THSD4: variants seen among roughly 807,000 people sequenced by gnomAD.
THSD4 encodes thrombospondin type-1 domain-containing protein 4.
A neutral mutation model predicts 119.0 loss-of-function variants in THSD4; 69 were observed. The ratio of observed to expected loss-of-function variants is 0.58; its 90% confidence interval spans 0.48 to 0.71. The LOEUF (loss-of-function observed/expected upper bound fraction) is 0.71, where lower values mean the gene tolerates loss of function less well. Among genes scored for constraint, THSD4 ranks in the 30% least tolerant of loss-of-function variants. THSD4 has a pLI of 0.00. For missense variants in THSD4, 1,393 were observed against 1,391.1 expected (o/e 1.00, Z -0.02); for synonymous variants, 524 against 540.4 (o/e 0.97, Z 0.42).
At chr15:71,122,311 A>G (rs1005984288) in intron 1 of THSD4, among the ~76,000 whole-genome samples, 1 of 152,162 alleles carries the variant, frequency 6.6e-6, no homozygotes, top group African/African-American at 2.4e-5. Context: ...CTACAGCTAG[A>G]AAACTGAGGC....
chr15:71,755,028 A>G (rs1454314565), intron 14 of THSD4, among the ~76,000 whole-genome samples: 2 of 152,332 alleles, frequency 1.3e-5, no homozygotes, highest in East Asian at 3.9e-4. Flanking sequence ...TCAACTCCCC[A>G]TCTCCAGTGA....
chr15:71,457,891 C>T (rs112415620), intron 7 of THSD4, among the ~76,000 whole-genome samples: 2 of 152,160 alleles, frequency 1.3e-5, no homozygotes, highest in Non-Finnish European at 2.9e-5. Flanking sequence ...GAGTCTTAGT[C>T]CATCTTCCTC....
At chr15:71,761,555 A>G (rs917915502) in intron 15 of THSD4, among the ~76,000 whole-genome samples, 1 of 152,226 alleles carries the variant, frequency 6.6e-6, no homozygotes, top group African/African-American at 2.4e-5. Flanking sequence ...TATAGAATTC[A>G]TTGGTTTTTA....
At chr15:71,216,626 G>A (rs1182754231) in intron 4 of THSD4, among the ~76,000 whole-genome samples, 3 of 152,328 alleles carry the variant, frequency 2.0e-5, no homozygotes, top group East Asian at 3.9e-4. Flanking sequence ...TGAGTTCCAA[G>A]ACTGAGCATG....
At chr15:71,199,015 A>G (rs150815056) in intron 3 of THSD4, among the ~76,000 whole-genome samples, 2 of 152,228 alleles carry the variant, frequency 1.3e-5, no homozygotes, top group African/African-American at 4.8e-5. Context: ...CCTACTGTAT[A>G]TTTTATTAGT....
chr15:71,324,252 C>T (rs1263899813), intron 6 of THSD4, among the ~76,000 whole-genome samples: 5 of 151,680 alleles, frequency 3.3e-5, no homozygotes, highest in African/African-American at 1.2e-4. Context: ...TGCACGATAG[C>T]GCCGTATACA....
intron 10 of THSD4, chr15:71,732,060 T>G (rs1489126751): frequency 2.0e-5 from 3 of 152,276 alleles, no homozygotes; most frequent in Non-Finnish European, 4.4e-5. Flanking sequence ...GACTCTCATC[T>G]TCCTCTCTCT....
At chr15:71,130,429 C>A (rs1281030802) in intron 1 of THSD4, among the ~76,000 whole-genome samples, 1 of 152,102 alleles carries the variant, frequency 6.6e-6, no homozygotes, top group Non-Finnish European at 1.5e-5. Context: ...TCAAGTAATT[C>A]TCAACCTTGG....
chr15:71,357,773 C>T (rs16955491), intron 6 of THSD4, among the ~76,000 whole-genome samples: 32,981 of 152,062 alleles, frequency 0.22, 3,602 homozygotes, highest in South Asian at 0.28. Flanking sequence ...TTAAATGTGG[C>T]GAGAAATGGA....
chr15:71,536,620 T>C (rs1203575385), intron 7 of THSD4, among the ~76,000 whole-genome samples: 1 of 152,224 alleles, frequency 6.6e-6, no homozygotes, highest in South Asian at 2.1e-4. Context: ...TATATATTTA[T>C]GGTGTGCCAC....
chr15:71,655,791 C>T (rs572190761), intron 7 of THSD4, among the ~76,000 whole-genome samples: 7 of 152,228 alleles, frequency 4.6e-5, no homozygotes, highest in Non-Finnish European at 1.0e-4. Context: ...CATAGGTCAG[C>T]ACTAAGTCGT....
At chr15:71,454,271 CAA>C (rs957129395) in intron 7 of THSD4, among the ~76,000 whole-genome samples, 3 of 151,896 alleles carry the variant, frequency 2.0e-5, no homozygotes, top group African/African-American at 7.3e-5. Context: ...AAAACAAAAA[CAA>C]AAAGAAACCC....
intron 5 of THSD4, among the ~76,000 whole-genome samples, chr15:71,252,866 TATCATC>T (rs56093539): frequency 6.6e-6 from 1 of 151,136 alleles, no homozygotes; most frequent in Non-Finnish European, 1.5e-5. Context: ...AAAAGTTAGG[TATCATC>T]ATCATCATCA....
At chr15:71,299,135 C>T (rs1429683504) in intron 6 of THSD4, among the ~76,000 whole-genome samples, 1 of 152,188 alleles carries the variant, frequency 6.6e-6, no homozygotes, top group African/African-American at 2.4e-5. Context: ...GGTAACATGA[C>T]TGTTGATGGT....
chr15:71,651,329 C>G (rs1013242366), intron 7 of THSD4, among the ~76,000 whole-genome samples: 1 of 152,192 alleles, frequency 6.6e-6, no homozygotes, highest in Non-Finnish European at 1.5e-5. Context: ...ATGCAGTTGT[C>G]TGTGTGTGTC....
intron 1 of THSD4, among the ~76,000 whole-genome samples, chr15:71,123,083 A>G (rs147056966): frequency 4.1e-4 from 63 of 152,154 alleles, no homozygotes; most frequent in African/African-American, 1.5e-3. Flanking sequence ...TTGATACCTC[A>G]CTCTTAGCAA....
chr15:71,124,522 G>A (rs1023216767), intron 1 of THSD4, among the ~76,000 whole-genome samples: 4 of 152,044 alleles, frequency 2.6e-5, no homozygotes, highest in African/African-American at 7.3e-5. Flanking sequence ...AATCATTCAC[G>A]GACATTCCAG....
chr15:71,111,237 G>C (rs1018599222), upstream of THSD4: 1 of 1,613,962 alleles, frequency 6.2e-7, no homozygotes, highest in South Asian at 1.1e-5. Context: ...ATAACCTGAA[G>C]TGTGGCCTGA....
chr15:71,622,323 T>C (rs2050432605), intron 7 of THSD4, among the ~76,000 whole-genome samples: 1 of 152,248 alleles, frequency 6.6e-6, no homozygotes, highest in Non-Finnish European at 1.5e-5. Flanking sequence ...TGAAAGCTGC[T>C]AGAGAGTTTC....
Sources: allele counts gnomAD v4.1 joint callset (sites outside exome capture counted in the v4.1 genomes callset), GRCh38; gene constraint gnomAD v4.1.1; transcripts MANE v1.5; gene names NCBI Gene and HGNC (gene_info 2026-07-23, HGNC 2026-07-21).